RERE: variants seen among roughly 807,000 people sequenced by gnomAD.
The protein encoded by RERE is arginine-glutamic acid dipeptide repeats, also known as arginine-glutamic acid dipeptide repeats protein.
Under a neutral mutation model 146.1 loss-of-function variants are expected in RERE, and 40 were observed. The observed-to-expected ratio is 0.27, with a 90% CI of 0.21 to 0.36. The LOEUF is 0.36. RERE is among the 10% of genes least tolerant of loss of function. The pLI is 1.00. For missense variants in RERE, 1,933 were observed against 2,138.7 expected (o/e 0.90, Z 1.90); for synonymous variants, 1,003 against 866.0 (o/e 1.16, Z -2.78).
chr1:8,664,630 A>G (rs1205885327), intron 1 of RERE, among the ~76,000 whole-genome samples: 3 of 152,148 alleles, frequency 2.0e-5, no homozygotes, highest in African/African-American at 7.2e-5. Flanking sequence ...TTTGTTGCCC[A>G]GGCTAGTCTT....
intron 8 of RERE, among the ~76,000 whole-genome samples, chr1:8,502,059 C>G (rs1333475921): frequency 1.6e-4 from 16 of 101,470 alleles, no homozygotes; most frequent in African/African-American, 5.8e-4. Context: ...CCCCGCCTGG[C>G]CAGCCGCCCC....
At chr1:8,767,835 G>A (rs147341195) in intron 1 of RERE, among the ~76,000 whole-genome samples, 2,330 of 151,824 alleles carry the variant, frequency 0.015, 73 homozygotes, top group African/African-American at 0.054. Flanking sequence ...GCATGGTGGT[G>A]CACGCCTGTA....
intron 1 of RERE, among the ~76,000 whole-genome samples, chr1:8,662,660 T>C (rs1055443913): frequency 5.9e-5 from 9 of 152,166 alleles, no homozygotes; most frequent in Admixed American, 1.3e-4. Flanking sequence ...TCACCACCAC[T>C]GCACTCCAGC....
At chr1:8,624,825 A>C (rs561156255) in intron 2 of RERE, among the ~76,000 whole-genome samples, 3 of 152,356 alleles carry the variant, frequency 2.0e-5, no homozygotes, top group African/African-American at 7.2e-5. Context: ...TTTTGTGAGG[A>C]AATAAATGAA....
At chr1:8,628,032 G>A (rs1446905174) in intron 2 of RERE, among the ~76,000 whole-genome samples, 2 of 152,108 alleles carry the variant, frequency 1.3e-5, no homozygotes, top group Non-Finnish European at 2.9e-5. Flanking sequence ...CCGGACATAC[G>A]GAATGACCAC....
intron 7 of RERE, among the ~76,000 whole-genome samples, chr1:8,524,416 G>C (rs940629604): frequency 6.6e-6 from 1 of 152,110 alleles, no homozygotes; most frequent in Non-Finnish European, 1.5e-5. Flanking sequence ...CTAAAATCAA[G>C]GGCCTCCCTG....
intron 1 of RERE, among the ~76,000 whole-genome samples, chr1:8,720,681 A>C (rs1639847723): frequency 6.6e-6 from 1 of 152,182 alleles, no homozygotes; most frequent in Non-Finnish European, 1.5e-5. Flanking sequence ...GAGTTCTTAT[A>C]ATTGTATAAC....
At chr1:8,369,237 C>T (rs1009368545) in intron 12 of RERE, among the ~76,000 whole-genome samples, 2 of 151,956 alleles carry the variant, frequency 1.3e-5, no homozygotes, top group African/African-American at 4.8e-5. Context: ...AAACAAGAAG[C>T]CAGAGTTCAG....
At chr1:8,624,277 G>C (rs781447133) in intron 3 of RERE, 33 bp downstream of exon 3, 2 of 1,478,016 alleles carry the variant, frequency 1.4e-6, no homozygotes, top group Admixed American at 1.7e-5. Flanking sequence ...AGAGAATACA[G>C]AGCAGAGTGA....
At position 8,518,408 on chromosome 1, in the gene RERE, T is replaced by C. The variant is rs187720454; in HGVS notation, c.831-9733A>G. On this transcript the variant is annotated intron_variant, in intron 7 of 22. Transcript: ENST00000400908. ...GATCACTGAGAAATCTCTCTCCCTGTCCTTCAGATGGTAAATATCACACAG... is the reference window on the plus strand; with the variant it reads ...GATCACTGAGAAATCTCTCTCCCTGCCCTTCAGATGGTAAATATCACACAG... 1.5e-4 allele frequency among the ~76,000 whole-genome samples: 23 copies of C among 152,306 alleles called. No homozygotes were observed. The East Asian group carries it at 3.7e-3, about 24-fold the overall frequency.
chr1:8,424,975 T>A (rs933263887), intron 11 of RERE: 1 of 152,410 alleles, frequency 6.6e-6, no homozygotes, highest in East Asian at 1.9e-4. Flanking sequence ...AAGGATCCGG[T>A]TGCAGAGAGC....
chr1:8,612,412 G>C (rs990140089), intron 4 of RERE, among the ~76,000 whole-genome samples: 1 of 152,130 alleles, frequency 6.6e-6, no homozygotes, highest in African/African-American at 2.4e-5. Flanking sequence ...AATACAGTTA[G>C]CTTTATGTAG....
At chr1:8,428,261 G>A (rs779585438) in intron 11 of RERE, among the ~76,000 whole-genome samples, 3 of 152,170 alleles carry the variant, frequency 2.0e-5, no homozygotes, top group East Asian at 3.8e-4. Context: ...ACTCTCAGAC[G>A]CACGAACTGA....
intron 1 of RERE, among the ~76,000 whole-genome samples, chr1:8,742,263 TCTA>T (rs2124504194): frequency 6.6e-6 from 1 of 152,312 alleles, no homozygotes; most frequent in African/African-American, 2.4e-5. Context: ...CAAACAGTCT[TCTA>T]AAGCACTCTG....
chr1:8,630,326 T>C (rs1214853483), intron 2 of RERE, among the ~76,000 whole-genome samples: 1 of 151,970 alleles, frequency 6.6e-6, no homozygotes, highest in African/African-American at 2.4e-5. Context: ...TCCTCAACTC[T>C]ATAAACAATG....
intron 7 of RERE, among the ~76,000 whole-genome samples, chr1:8,537,166 T>C (rs1013658730): frequency 6.6e-6 from 1 of 152,168 alleles, no homozygotes; most frequent in Non-Finnish European, 1.5e-5. Context: ...ATCACGCCAC[T>C]ACACTCCAGC....
At chr1:8,469,986 T>C (rs894690147) in intron 10 of RERE, among the ~76,000 whole-genome samples, 1 of 152,130 alleles carries the variant, frequency 6.6e-6, no homozygotes, top group Admixed American at 6.5e-5. Context: ...AAACTTTATT[T>C]CAGATGGCAG....
chr1:8,504,267 G>C (rs778762960), intron 8 of RERE, among the ~76,000 whole-genome samples: 2 of 152,156 alleles, frequency 1.3e-5, no homozygotes, highest in Non-Finnish European at 2.9e-5. Flanking sequence ...TGTATAAGGT[G>C]AGGCAGTAAA....
chr1:8,612,606 ATGT>A (rs1364574910), intron 4 of RERE, among the ~76,000 whole-genome samples: 1 of 152,226 alleles, frequency 6.6e-6, no homozygotes, highest in Non-Finnish European at 1.5e-5. Context: ...AAAAAAATTA[ATGT>A]TATTATGGGG....
Sources: allele counts gnomAD v4.1 joint callset (sites outside exome capture counted in the v4.1 genomes callset), GRCh38; gene constraint gnomAD v4.1.1; transcripts MANE v1.5; gene names NCBI Gene and HGNC (gene_info 2026-07-23, HGNC 2026-07-21).